PES1: variants seen among roughly 807,000 people sequenced by gnomAD.
The protein encoded by PES1 is pescadillo homolog.
A neutral mutation model predicts 77.1 loss-of-function variants in PES1; 31 were observed. The observed-to-expected ratio is 0.40, with a 90% CI of 0.30 to 0.54. PES1 has a LOEUF of 0.54. PES1 is among the 20% of genes least tolerant of loss of function. The probability of loss-of-function intolerance (pLI) is 0.45; values close to 1 mark genes in which losing one functional copy is unlikely to be tolerated. For synonymous variants in PES1, 282 were observed against 303.0 expected (o/e 0.93, Z 0.72); for missense variants, 658 against 771.7 (o/e 0.85, Z 1.75).
At chr22:30,596,339 A>AGTGTGTGTGT (rs112899417), upstream of PES1, among the ~76,000 whole-genome samples, 1 of 149,668 alleles carries the variant, frequency 6.7e-6, no homozygotes, top group African/African-American at 2.5e-5. Context: ...TGTTTTTTCA[A>AGTGTGTGTGT]GTGTGTGTGT....
chr22:30,578,638 C>A (rs1483029252), intron 14 of PES1, among the ~76,000 whole-genome samples, 199 bp downstream of exon 14: 1 of 152,182 alleles, frequency 6.6e-6, no homozygotes, highest in Admixed American at 6.5e-5. Flanking sequence ...AAAGCCCAGG[C>A]CGGAGATGGC....
At position 30,577,181 on chromosome 22, in the gene PES1, G is replaced by A. The variant is rs563781359; in HGVS notation, c.1684-52C>T. 1.3e-5 allele frequency: 18 copies of A among 1,436,226 alleles called. 1 individual carries two copies. The highest frequency in any genetic ancestry group is 1.7e-4 in the Middle Eastern group (1 of 5,744). The allele number at this position is 1,436,226 out of a possible 1,614,324, so 89.0% of individuals were successfully genotyped here. On this transcript the variant is annotated intron_variant, in intron 14 of 14. Transcript: ENST00000354694. ...CTGAGGTATGTGTAGAAGGGAGGGT[G>A]GGGGGCACAGAACTCAAAGCTATAT...
chr22:30,580,108 G>C lies in PES1; in HGVS notation c.1114C>G (p.Arg372Gly). 6.2e-7 allele frequency: 1 copy of C among 1,614,110 alleles called. No homozygotes were observed. The highest frequency in any genetic ancestry group is 2.2e-5 in the East Asian group (1 of 44,878). The stretch of plus-strand genomic sequence containing the variant: ...CGGTCGACAATCTGATGGGTGATGC[G>C]GGAGTCTGTGACGTCATAGGTGGCC... ...IGATYDVTDS[R>G]ITHQIVDRPG... The change falls in exon 11 of 15, where the codon CGC becomes GGC. Residue 372 changes from arginine to glycine, a missense_variant. Physicochemically the swap from Arg to Gly is moderately radical, Grantham distance 125 (BLOSUM62 -2). Transcript: ENST00000354694.
chr22:30,605,940 A>G (rs974951483), intron 1 of PES1, among the ~76,000 whole-genome samples: 12 of 152,256 alleles, frequency 7.9e-5, no homozygotes, highest in African/African-American at 2.4e-5. Flanking sequence ...TTTTAAGGTC[A>G]TAGTGTCTTC....
intron 8 of PES1, 34 bp from the exon 9 acceptor site, chr22:30,581,135 G>T (rs775660770): frequency 1.4e-5 from 21 of 1,544,958 alleles, no homozygotes; most frequent in African/African-American, 2.7e-5. Flanking sequence ...TGCAGTGGGG[G>T]ACCTCATGCG....
chr22:30,598,967 GC>G (rs1174675131), intron 2 of PES1, among the ~76,000 whole-genome samples: 5 of 120,686 alleles, frequency 4.1e-5, no homozygotes, highest in African/African-American at 1.6e-4. Context: ...TGCGATCTTG[GC>G]TCACTGCAAC....
chr22:30,602,911 T>TTA (rs71328858), intron 2 of PES1, among the ~76,000 whole-genome samples: 5 of 150,788 alleles, frequency 3.3e-5, no homozygotes, highest in African/African-American at 4.9e-5. Context: ...TGAAAGCAAT[T>TTA]TGTGTGTGTG....
At chr22:30,594,084 C>T (rs1046184297), upstream of PES1, among the ~76,000 whole-genome samples, 68 of 152,222 alleles carry the variant, frequency 4.5e-4, no homozygotes, top group Non-Finnish European at 8.8e-4. Context: ...CCAGTCTCTG[C>T]AGGGAGACAC....
intron 2 of PES1, among the ~76,000 whole-genome samples, chr22:30,598,761 G>A (rs1394294233): frequency 6.6e-6 from 1 of 151,812 alleles, no homozygotes; most frequent in African/African-American, 2.4e-5. Flanking sequence ...GTGTATATAT[G>A]TGGTTAGATG....
In PES1 at chr22:30,581,599, A is replaced by G; in HGVS notation, c.676T>C (p.Phe226Leu). The G allele has an allele frequency of 6.5e-7, 1 of 1,536,508 alleles. No individual in the cohort carries two copies. Among genetic ancestry groups the G allele is most frequent in the East Asian group, 2.3e-5 (1 of 42,664 alleles). ...ACAAAGCCCAGCAGCGTGGTGTAGAACTCGGTGAAGGTGGCCATGACCCTG... is the reference window on the plus strand; with the variant it reads ...ACAAAGCCCAGCAGCGTGGTGTAGAGCTCGGTGAAGGTGGCCATGACCCTG... ...DYRVMATFTE[F>L]YTTLLGFVNF... Residue 226 changes from phenylalanine (F) to leucine (L), a missense_variant, in exon 7 of 15, where the codon TTC (phenylalanine) becomes CTC (leucine). Transcript: ENST00000354694.
intron 6 of PES1, chr22:30,584,109 C>T: frequency 1.9e-6 from 1 of 529,462 alleles, no homozygotes; most frequent in Non-Finnish European, 3.4e-6. Flanking sequence ...GGTGTAGACA[C>T]TGTTAACTGA....
chr22:30,597,065 G>A (rs1392739892), intron 2 of PES1, among the ~76,000 whole-genome samples: 1 of 152,186 alleles, frequency 6.6e-6, no homozygotes, highest in East Asian at 1.9e-4. Context: ...CCGGCGCTGC[G>A]CTCAATTTCT....
intron 11 of PES1, 46 bp downstream of exon 11, chr22:30,580,007 G>C (rs566928377): frequency 6.2e-7 from 1 of 1,611,922 alleles, no homozygotes; most frequent in African/African-American, 1.3e-5. Flanking sequence ...CAGGGCCTTT[G>C]AGACAGGATA....
At position 30,576,776 on chromosome 22, in the gene PES1, G is replaced by A; in HGVS notation, c.*270C>T. ...GGGCAGTAGGTAGGGGGCTGGGTGG[G>A]CCTCTGCACCTCATGTCACTGGCTC... is the stretch of plus-strand genomic sequence containing the variant. On this transcript the variant is annotated 3_prime_UTR_variant, in exon 15 of 15. Transcript: ENST00000354694. 1 of 515,840 alleles carries A rather than the reference G, an allele frequency of 1.9e-6. No homozygotes were observed. The highest frequency in any genetic ancestry group is 3.5e-6 in the Non-Finnish European group (1 of 288,632). 32.0% of individuals were successfully genotyped at this position (515,840 alleles called of 1,614,324 possible).
chr22:30,603,913 G>A (rs1049632401), intron 2 of PES1: 6 of 152,106 alleles, frequency 3.9e-5, no homozygotes, highest in African/African-American at 7.2e-5. Context: ...ACCCAGCAGA[G>A]GAACTATAGT....
intron 2 of PES1, chr22:30,598,352 T>A: frequency 6.5e-6 from 1 of 155,014 alleles, no homozygotes; most frequent in Non-Finnish European, 1.4e-5. Context: ...GGTTGGCAGC[T>A]TCATTCTTGA....
chr22:30,588,132 T>C lies in PES1; in HGVS notation c.147A>G (p.Lys49=). 2 of 1,614,182 alleles carry C rather than the reference T, an allele frequency of 1.2e-6. No individual in the cohort carries two copies. Among genetic ancestry groups the C allele is most frequent in the Non-Finnish European group, 1.7e-6 (2 of 1,180,044 alleles). ...ILKGIYPHEP[K]HKKKVNKGST... The stretch of plus-strand genomic sequence containing the variant: ...AACCCTTGTTAACCTTCTTCTTGTG[T>C]TTGGGTTCATGGGGATAAATGCCCT... The change falls in exon 3 of 15, where the codon AAA becomes AAG. Residue 49 remains lysine (K), a synonymous_variant. Coordinates refer to ENST00000354694, the MANE Select transcript of PES1 (RefSeq NM_014303.4).
At chr22:30,591,664 T>G (rs2087177946) in intron 1 of PES1, 146 bp downstream of exon 1, 4 of 834,120 alleles carry the variant, frequency 4.8e-6, no homozygotes, top group African/African-American at 1.7e-5. Context: ...TTGTCCATTC[T>G]CGGACCCCTT....
intron 2 of PES1, 137 bp from the exon 3 acceptor site, chr22:30,588,311 GAGTCTGAC>G: frequency 2.2e-6 from 2 of 904,636 alleles, no homozygotes; most frequent in South Asian, 3.3e-5. Context: ...CCTAGTACAT[GAGTCTGAC>G]AGTCACAATC....
Sources: gnomAD v4.1 joint callset for allele counts (sites outside exome capture counted in the v4.1 genomes callset) on GRCh38, gnomAD v4.1.1 for gene constraint, MANE v1.5 for transcripts, NCBI Gene and HGNC (gene_info 2026-07-23, HGNC 2026-07-21) for gene names.